NRXN1: variants seen among roughly 807,000 people sequenced by gnomAD.
NRXN1 encodes the protein neurexin-1.
NRXN1 carries 39 observed loss-of-function variants against 150.9 expected under a neutral mutation model. That is an observed-to-expected ratio of 0.26 (90% CI 0.20 to 0.34). NRXN1 has a LOEUF of 0.34. Ranked by LOEUF, NRXN1 falls within the 10% of genes least tolerant of loss-of-function variation. The pLI, the probability that NRXN1 is intolerant of heterozygous loss-of-function variation, is 1.00. For missense variants in NRXN1, 1,815 were observed against 1,949.9 expected (o/e 0.93, Z 1.30); for synonymous variants, 924 against 757.0 (o/e 1.22, Z -3.62).
At chr2:50,144,253 G>T (rs1045045163) in intron 18 of NRXN1, among the ~76,000 whole-genome samples, 2 of 151,792 alleles carry the variant, frequency 1.3e-5, no homozygotes, top group Non-Finnish European at 2.9e-5. Context: ...CAACTGGTAA[G>T]CTTCCTTCAT....
intron 18 of NRXN1, among the ~76,000 whole-genome samples, chr2:50,220,529 T>C (rs1330714557): frequency 6.6e-6 from 1 of 152,002 alleles, no homozygotes; most frequent in Non-Finnish European, 1.5e-5. Context: ...GATTTCAGGC[T>C]AGTATAATTC....
intron 17 of NRXN1, chr2:50,312,755 T>C (rs76260801): frequency 0.012 from 6,048 of 516,814 alleles, 285 homozygotes; most frequent in African/African-American, 0.11. Flanking sequence ...AATACATATG[T>C]TGCAATTTCA....
rs183142586 is a variant in NRXN1, at chr2:50,854,555, C to T, written c.832+67314G>A. ...TCAAATCACACTTTGTTTGAAAGAA[C>T]AGACTGGTTATTTCCAAGATATCTC... On this transcript the variant is annotated intron_variant, in intron 5 of 22. Coordinates refer to ENST00000401669, the MANE Select transcript of NRXN1 (RefSeq NM_001330078.2). 9.2e-5 allele frequency among the ~76,000 whole-genome samples: 14 copies of T among 152,184 alleles called. No individual in the cohort carries two copies. In the East Asian group the frequency reaches 2.7e-3, roughly 29 times the overall value.
rs545923358 is a variant in NRXN1, at chr2:50,674,766, A to C, written c.833-51151T>G. On this transcript the variant is annotated intron_variant, in intron 5 of 22. Transcript: ENST00000401669. The stretch of plus-strand genomic sequence containing the variant: ...AATGGTGTAGTCAACACAGGGTGAA[A>C]ATAAAGGAAGAAGAATATGTTTTGG... Among the ~76,000 whole-genome samples, 8 of 152,200 alleles carry C rather than the reference A, an allele frequency of 5.3e-5. No individual in the cohort carries two copies. The South Asian group carries it at 1.5e-3, about 28-fold the overall frequency.
At chr2:50,655,562 C>T (rs987981298) in intron 5 of NRXN1, among the ~76,000 whole-genome samples, 26 of 151,846 alleles carry the variant, frequency 1.7e-4, no homozygotes, top group African/African-American at 5.3e-4. Flanking sequence ...AAAGCCTCAG[C>T]GCTGTGGCTT....
intron 21 of NRXN1, among the ~76,000 whole-genome samples, chr2:49,993,106 A>G (rs1592726): frequency 0.47 from 70,998 of 152,078 alleles, 17,236 homozygotes; most frequent in Middle Eastern, 0.61. Context: ...AAAACCTGCA[A>G]AGAGATGCTT....
intron 18 of NRXN1, among the ~76,000 whole-genome samples, chr2:50,204,364 G>T (rs73930309): frequency 3.7e-5 from 3 of 80,532 alleles, no homozygotes; most frequent in African/African-American, 1.8e-4. Context: ...GTGTGTGTGT[G>T]TGTGTGTGTA....
At chr2:50,211,056 G>T (rs2062978581) in intron 18 of NRXN1, among the ~76,000 whole-genome samples, 1 of 151,422 alleles carries the variant, frequency 6.6e-6, no homozygotes, top group South Asian at 2.1e-4. Flanking sequence ...CATTTTTCTG[G>T]CTTTCATAAT....
At chr2:50,296,422 G>A (rs996968867) in intron 17 of NRXN1, among the ~76,000 whole-genome samples, 4 of 152,050 alleles carry the variant, frequency 2.6e-5, no homozygotes, top group African/African-American at 9.7e-5. Flanking sequence ...TGGATATATT[G>A]TATAATGGTT....
intron 17 of NRXN1, among the ~76,000 whole-genome samples, chr2:50,429,656 T>C (rs529483170): frequency 1.3e-5 from 2 of 152,132 alleles, no homozygotes; most frequent in Non-Finnish European, 2.9e-5. Flanking sequence ...AAAAATAATA[T>C]CTTTTTTTAC....
intron 5 of NRXN1, among the ~76,000 whole-genome samples, chr2:50,805,286 A>G (rs1340201025): frequency 1.3e-5 from 2 of 152,210 alleles, no homozygotes. Flanking sequence ...TGAGGACTTT[A>G]GACATATAAG....
chr2:50,567,444 C>T (rs545826326), intron 8 of NRXN1, among the ~76,000 whole-genome samples: 11 of 152,120 alleles, frequency 7.2e-5, no homozygotes, highest in African/African-American at 2.7e-4. Flanking sequence ...AAGTGAGATA[C>T]TCACTTTGGA....
At chr2:50,481,443 G>T (rs1181896995) in intron 15 of NRXN1, among the ~76,000 whole-genome samples, 1 of 152,158 alleles carries the variant, frequency 6.6e-6, no homozygotes, top group Non-Finnish European at 1.5e-5. Flanking sequence ...TGATACATAA[G>T]TAGAATTCTT....
chr2:50,941,536 G>C (rs549029783), intron 2 of NRXN1, among the ~76,000 whole-genome samples: 2 of 152,288 alleles, frequency 1.3e-5, no homozygotes, highest in East Asian at 3.9e-4. Flanking sequence ...GGGAACTGGA[G>C]TAAAGGTCAC....
chr2:50,311,948 C>A (rs924918180), intron 17 of NRXN1, among the ~76,000 whole-genome samples: 5 of 151,988 alleles, frequency 3.3e-5, no homozygotes, highest in African/African-American at 1.2e-4. Flanking sequence ...ATGGTTTAAT[C>A]ATGAAAAGCT....
chr2:50,480,243 G>C (rs2090359872), intron 15 of NRXN1, among the ~76,000 whole-genome samples: 1 of 152,216 alleles, frequency 6.6e-6, no homozygotes, highest in Admixed American at 6.5e-5. Context: ...CAGAGATGAA[G>C]ATAGAGGTGT....
chr2:50,641,600 C>A lies in NRXN1; in HGVS notation c.833-17985G>T, dbSNP rs563116489. ...GAAAGTTTTATTCTTCCCAGCAATT[C>A]CACTGCATTCTGTGGCCTCTTGGTG... is the stretch of plus-strand genomic sequence containing the variant. On this transcript the variant is annotated intron_variant, in intron 5 of 22. Coordinates refer to ENST00000401669, the MANE Select transcript of NRXN1 (RefSeq NM_001330078.2). 5.9e-5 allele frequency among the ~76,000 whole-genome samples: 9 copies of A among 152,128 alleles called. No homozygotes were observed. The South Asian group carries it at 1.7e-3, about 28-fold the overall frequency.
chr2:50,775,580 G>C (rs1339868200), intron 5 of NRXN1, among the ~76,000 whole-genome samples: 1 of 152,096 alleles, frequency 6.6e-6, no homozygotes, highest in Non-Finnish European at 1.5e-5. Flanking sequence ...AAACTATAAA[G>C]AGTGTAACTA....
chr2:50,352,676 A>G (rs1441727428), intron 17 of NRXN1, among the ~76,000 whole-genome samples: 1 of 151,368 alleles, frequency 6.6e-6, no homozygotes, highest in African/African-American at 2.4e-5. Context: ...CTGTAAAGCT[A>G]AACCCCTGAT....
Sources: allele counts gnomAD v4.1 joint callset (sites outside exome capture counted in the v4.1 genomes callset), GRCh38; gene constraint gnomAD v4.1.1; transcripts MANE v1.5; gene names NCBI Gene and HGNC (gene_info 2026-07-23, HGNC 2026-07-21).